GLIS3: variants seen among roughly 807,000 people sequenced by gnomAD.
GLIS3 encodes zinc finger protein GLIS3.
Under a neutral mutation model 78.6 loss-of-function variants are expected in GLIS3, and 53 were observed. The ratio of observed to expected loss-of-function variants is 0.67; its 90% CI spans 0.54 to 0.85. GLIS3 has a LOEUF of 0.85. GLIS3 is among the 40% of genes least tolerant of loss of function. The pLI, the probability that GLIS3 is intolerant of heterozygous loss-of-function variation, is 0.00. For missense variants in GLIS3, 1,703 were observed against 1,231.1 expected, an observed-to-expected ratio of 1.38 and a Z score of -5.74; for synonymous variants, 684 against 509.9, an observed-to-expected ratio of 1.34 and a Z score of -4.60.
intron 4 of GLIS3, among the ~76,000 whole-genome samples, chr9:3,996,498 TTC>T (rs1274097142): frequency 6.6e-6 from 1 of 152,222 alleles, no homozygotes; most frequent in African/African-American, 2.4e-5. Flanking sequence ...TAACTTTACT[TTC>T]TGTTACATTA....
the GLIS3 span, among the ~76,000 whole-genome samples, chr9:4,404,903 G>T: frequency 6.6e-6 from 1 of 151,978 alleles, no homozygotes; most frequent in East Asian, 1.9e-4. Flanking sequence ...AAATGAAGAA[G>T]ACAATACAAA....
intron 6 of GLIS3, among the ~76,000 whole-genome samples, chr9:3,929,842 G>C (rs927162044): frequency 6.6e-6 from 1 of 151,946 alleles, no homozygotes; most frequent in Non-Finnish European, 1.5e-5. Flanking sequence ...AATTAAAGTC[G>C]TAAATAATCT....
chr9:3,959,628 T>C (rs1018974095), intron 4 of GLIS3, among the ~76,000 whole-genome samples: 1 of 152,164 alleles, frequency 6.6e-6, no homozygotes, highest in African/African-American at 2.4e-5. Flanking sequence ...CTAAAACGCA[T>C]AAAGCCCTTC....
In GLIS3 at chr9:3,825,241, T is replaced by C. The variant is rs1234535102; in HGVS notation, c.*3031A>G. The C allele has an allele frequency of 6.6e-6, 1 of 152,182 alleles. No homozygotes were observed. Among genetic ancestry groups the C allele is most frequent in the Admixed American group, 6.5e-5 (1 of 15,282 alleles). 9.4% of individuals were successfully genotyped at this position (152,182 alleles called of 1,614,324 possible). The stretch of plus-strand genomic sequence containing the variant: ...CTGTGATCTACTAAAGACCTTTTTT[T>C]TTCTTCTTATTTTATGATCGCTTAT... On this transcript the variant is annotated 3_prime_UTR_variant, in exon 11 of 11. Transcript: ENST00000381971.
intron 8 of GLIS3, among the ~76,000 whole-genome samples, chr9:3,859,337 C>G (rs1019197474): frequency 1.3e-5 from 2 of 149,216 alleles, no homozygotes; most frequent in African/African-American, 5.0e-5. Flanking sequence ...ACTTTCCAAC[C>G]CTGTTTCTTC....
At chr9:3,840,819 TG>T (rs879191183) in intron 9 of GLIS3, among the ~76,000 whole-genome samples, 1 of 152,216 alleles carries the variant, frequency 6.6e-6, no homozygotes, top group Non-Finnish European at 1.5e-5. Flanking sequence ...CACAGCGAGC[TG>T]CACTCTGAAC....
chr9:4,248,741 C>G (rs1245529286), intron 2 of GLIS3, among the ~76,000 whole-genome samples: 1 of 152,228 alleles, frequency 6.6e-6, no homozygotes, highest in Non-Finnish European at 1.5e-5. Flanking sequence ...CACATTCTCT[C>G]CAGCATCTGT....
At chr9:4,238,541 C>A (rs1229426729) in intron 2 of GLIS3, among the ~76,000 whole-genome samples, 3 of 152,178 alleles carry the variant, frequency 2.0e-5, no homozygotes, top group Admixed American at 1.3e-4. Context: ...ACCGTGGCTA[C>A]CTGAACTCAG....
At chr9:4,100,810 C>T (rs1160820011) in intron 4 of GLIS3, among the ~76,000 whole-genome samples, 6 of 152,166 alleles carry the variant, frequency 3.9e-5, no homozygotes, top group Non-Finnish European at 5.9e-5. Flanking sequence ...TATCCCTCTA[C>T]GGTTTTAACT....
intron 4 of GLIS3, among the ~76,000 whole-genome samples, chr9:4,097,427 C>G (rs142279744): frequency 6.6e-6 from 1 of 151,958 alleles, no homozygotes; most frequent in African/African-American, 2.4e-5. Flanking sequence ...AAGGGGTGGG[C>G]TCAGCTGATG....
intron 4 of GLIS3, among the ~76,000 whole-genome samples, chr9:4,073,862 G>C (rs1017206837): frequency 2.0e-5 from 3 of 152,190 alleles, no homozygotes; most frequent in East Asian, 1.9e-4. Flanking sequence ...CTGGCACATA[G>C]GAGGTGCTCA....
Position 4,237,935 on chromosome 9 carries a change from C to G in GLIS3, c.388+48103G>C, listed in dbSNP as rs968216701. Among the ~76,000 whole-genome samples, 9 of 152,308 alleles carry G rather than the reference C, an allele frequency of 5.9e-5. No individual in the cohort carries two copies. The East Asian group carries it at 1.7e-3, about 29-fold the overall frequency. On this transcript the variant is annotated intron_variant, in intron 2 of 10. Coordinates refer to ENST00000381971, the MANE Select transcript of GLIS3 (RefSeq NM_001042413.2). ...TCACTAGCCCAGCAGCTGCAAGGGACAAGATGAATCCTTTCCATGTTCCCC... is the reference window on the plus strand; with the variant it reads ...TCACTAGCCCAGCAGCTGCAAGGGAGAAGATGAATCCTTTCCATGTTCCCC...
At chr9:4,077,137 C>A (rs1477980788) in intron 4 of GLIS3, among the ~76,000 whole-genome samples, 1 of 152,148 alleles carries the variant, frequency 6.6e-6, no homozygotes, top group African/African-American at 2.4e-5. Context: ...CAGTCTAAAG[C>A]AATCCCCTAT....
intron 4 of GLIS3, among the ~76,000 whole-genome samples, chr9:3,980,769 A>G (rs1268167032): frequency 3.9e-5 from 6 of 152,216 alleles, no homozygotes; most frequent in Non-Finnish European, 8.8e-5. Context: ...CCCAATTTCT[A>G]CATCAGATCA....
At chr9:4,430,670 G>C in the GLIS3 span, among the ~76,000 whole-genome samples, 1 of 152,160 alleles carries the variant, frequency 6.6e-6, no homozygotes, top group African/African-American at 2.4e-5. Flanking sequence ...TTATCCCTAA[G>C]GAAGGCCATG....
At chr9:4,452,301 T>C in the GLIS3 span, among the ~76,000 whole-genome samples, 1 of 152,036 alleles carries the variant, frequency 6.6e-6, no homozygotes, top group Non-Finnish European at 1.5e-5. Flanking sequence ...TTATTCAACA[T>C]AGTATTGGAA....
At chr9:4,128,518 T>C (rs763633877) in intron 2 of GLIS3, among the ~76,000 whole-genome samples, 1 of 152,238 alleles carries the variant, frequency 6.6e-6, no homozygotes, top group Non-Finnish European at 1.5e-5. Flanking sequence ...AAGATACTTA[T>C]AAGTGAATAT....
chr9:4,371,404 C>G, the GLIS3 span, among the ~76,000 whole-genome samples: 1 of 152,248 alleles, frequency 6.6e-6, no homozygotes, highest in African/African-American at 2.4e-5. Flanking sequence ...GGCTCCTCCT[C>G]CCCATAAGTG....
intron 2 of GLIS3, among the ~76,000 whole-genome samples, chr9:4,226,521 A>G (rs1821781747): frequency 6.6e-6 from 1 of 152,192 alleles, no homozygotes; most frequent in African/African-American, 2.4e-5. Flanking sequence ...AAACAACCCG[A>G]CTATGCCTAA....
Sources: allele counts gnomAD v4.1 joint callset (sites outside exome capture counted in the v4.1 genomes callset), GRCh38; gene constraint gnomAD v4.1.1; transcripts MANE v1.5; gene names NCBI Gene and HGNC (gene_info 2026-07-23, HGNC 2026-07-21).